Variants in OSBPL5 observed in about 807,000 individuals in gnomAD.
OSBPL5 encodes the protein oxysterol-binding protein-related protein 5.
OSBPL5 carries 71 observed loss-of-function variants against 111.2 expected under a neutral mutation model. The observed-to-expected ratio is 0.64, with a 90% CI of 0.53 to 0.78. OSBPL5 has a LOEUF of 0.78. Among genes scored for constraint, OSBPL5 ranks in the 30% least tolerant of loss-of-function variants. The pLI is 0.00. For missense variants in OSBPL5, 1,210 were observed against 1,189.3 expected (o/e 1.02, Z -0.26); for synonymous variants, 549 against 513.9 (o/e 1.07, Z -0.93).
intron 7 of OSBPL5, among the ~76,000 whole-genome samples, chr11:3,115,434 C>G (rs1308480814): frequency 6.6e-6 from 1 of 152,156 alleles, no homozygotes; most frequent in East Asian, 1.9e-4. Context: ...TAAACACTGA[C>G]AGCAATTAAA....
chr11:3,099,943 C>T (rs1360781024), intron 14 of OSBPL5, among the ~76,000 whole-genome samples: 2 of 148,588 alleles, frequency 1.3e-5, no homozygotes, highest in Non-Finnish European at 3.0e-5. Flanking sequence ...TGGCGCATGC[C>T]TGTAATCCCA....
In OSBPL5 at chr11:3,092,793, C is replaced by G. The variant is rs1157590527; in HGVS notation, c.2132+74G>C. The G allele has an allele frequency of 8.2e-6, 12 of 1,454,790 alleles. No individual in the cohort carries two copies. The highest frequency in any genetic ancestry group is 1.4e-5 in the South Asian group (1 of 72,144). The allele number at this position is 1,454,790 out of a possible 1,614,324, so 90.1% of individuals were successfully genotyped here. A position where few individuals can be genotyped will look rare whatever the true frequency, so the allele number is the denominator to read the frequency against. On this transcript the variant is annotated intron_variant, in intron 18 of 21. Coordinates refer to ENST00000263650, the MANE Select transcript of OSBPL5 (RefSeq NM_020896.4). This position sits in a 1 kb window ranked among gnomAD's most constrained non-coding sequence, Gnocchi z 5.4. ...CTGAAGGTGAGAGGGAAGCCAGGAGCCCCTGGGCCCTTCTCAGCCCGTCTG... is the reference window on the plus strand; with the variant it reads ...CTGAAGGTGAGAGGGAAGCCAGGAGGCCCTGGGCCCTTCTCAGCCCGTCTG...
At chr11:3,102,310 G>C (rs56062540) in intron 11 of OSBPL5, 29 bp from the exon 12 acceptor site, 1 of 1,566,116 alleles carries the variant, frequency 6.4e-7, no homozygotes. Context: ...TGTGTGAGGA[G>C]CCAGGTGGGT....
chr11:3,122,221 G>C lies in OSBPL5; in HGVS notation c.301-123C>G, dbSNP rs1477067927. The C allele has an allele frequency of 5.4e-6, 7 of 1,306,882 alleles. No individual in the cohort carries two copies. The Admixed American group carries it at 1.4e-4, about 26-fold the overall frequency. The allele number at this position is 1,306,882 out of a possible 1,614,324, so 81.0% of individuals were successfully genotyped here. ...CAGGAGAGGAAGTAGGAGGAAGTAGGGGGTGTGGAGGCGACCAGGTGCGGT... is the reference window on the plus strand; with the variant it reads ...CAGGAGAGGAAGTAGGAGGAAGTAGCGGGTGTGGAGGCGACCAGGTGCGGT... On this transcript the variant is annotated intron_variant, in intron 4 of 21. Transcript: ENST00000263650.
Position 3,119,607 on chromosome 11 carries a change from A to G in OSBPL5, c.631T>C (p.Ser211Pro). Residue 211 changes from serine to proline, a missense_variant, in exon 7 of 22, where the codon TCC becomes CCC. Physicochemically the swap from Ser to Pro is moderately conservative, Grantham distance 74. Coordinates refer to ENST00000263650, the MANE Select transcript of OSBPL5 (RefSeq NM_020896.4). ...VKGPKGESVG[S>P]ITQPLPSSYL... ...CTGCTGGGCAGGGGCTGTGTGATGGAGCCCACGCTCTCACCTTTGGGGCCC... is the reference window on the plus strand; with the variant it reads ...CTGCTGGGCAGGGGCTGTGTGATGGGGCCCACGCTCTCACCTTTGGGGCCC... 6.3e-7 allele frequency: 1 copy of G among 1,575,094 alleles called. No individual in the cohort carries two copies. The highest frequency in any genetic ancestry group is 8.6e-7 in the Non-Finnish European group (1 of 1,165,392).
At chr11:3,147,074 C>T (rs536325475) in intron 1 of OSBPL5, among the ~76,000 whole-genome samples, 1 of 145,090 alleles carries the variant, frequency 6.9e-6, no homozygotes, top group Admixed American at 6.8e-5. Context: ...CCCTCACGTC[C>T]TGGGCTTCAC....
intron 2 of OSBPL5, among the ~76,000 whole-genome samples, chr11:3,127,269 G>A (rs1858660166): frequency 6.6e-6 from 1 of 152,224 alleles, no homozygotes; most frequent in African/African-American, 2.4e-5. Context: ...CCCGGTCCCT[G>A]ACACTGAGAC....
chr11:3,150,828 G>C (rs1846556831), intron 1 of OSBPL5, among the ~76,000 whole-genome samples: 1 of 152,176 alleles, frequency 6.6e-6, no homozygotes, highest in Admixed American at 6.5e-5. Flanking sequence ...GCCTGCATCT[G>C]TGATGTCATC....
rs915474447 is a variant in OSBPL5, at chr11:3,109,077, GTTTT to G, written c.692-1136_692-1133del. Among the ~76,000 whole-genome samples, 7 of 151,674 alleles carry G rather than the reference GTTTT, an allele frequency of 4.6e-5. No individual in the cohort carries two copies. The highest frequency in any genetic ancestry group is 2.0e-4 in the Admixed American group (3 of 15,230). ...GCCACCACACCGGGTCAATAAGTGT[GTTTT>G]TTGTTTTTGTTTTTTTGTTGTTTTG... On this transcript the variant is annotated intron_variant, in intron 7 of 21. Transcript: ENST00000263650. This position sits in a 1 kb window ranked among gnomAD's most constrained non-coding sequence, Gnocchi z 7.4.
At chr11:3,118,767 C>T (rs769969936) in intron 7 of OSBPL5, among the ~76,000 whole-genome samples, 38 of 151,944 alleles carry the variant, frequency 2.5e-4, no homozygotes, top group Non-Finnish European at 1.5e-4. Context: ...GACAGGGTTT[C>T]GCCATGTTGA....
Position 3,107,935 on chromosome 11 carries a change from C to A in OSBPL5, c.702G>T (p.Trp234Cys). The change falls in exon 8 of 22, where the codon TGG (tryptophan) becomes TGT (cysteine). Residue 234 changes from tryptophan to cysteine, a missense_variant. Physicochemically the swap from Trp to Cys is radical, Grantham distance 215. Transcript: ENST00000263650. This position sits in a 1 kb window ranked among gnomAD's most constrained non-coding sequence, Gnocchi z 6.1. The part of the protein sequence containing the change: ...RAASESDGRC[W>C]LDALELALRC... ...GCAGGGCCAGCTCCAGGGCGTCCAG[C>A]CAGCAGCGACCTGCGGGGCACACGG... 6.3e-7 allele frequency: 1 copy of A among 1,598,954 alleles called. No homozygotes were observed. The highest frequency in any genetic ancestry group is 8.5e-7 in the Non-Finnish European group (1 of 1,179,634).
rs867335825 is a variant in OSBPL5 at position 3,137,254 on chromosome 11, C to T, written c.-21-8085G>A. Reference sequence around the variant, plus strand: ...ACCAGGCTGCTGTGTCTGGGTGGACCGAATGCCTAGTGCTAATGTGGGCAG... The same window carrying T: ...ACCAGGCTGCTGTGTCTGGGTGGACTGAATGCCTAGTGCTAATGTGGGCAG... On this transcript the variant is annotated intron_variant, in intron 1 of 21. Transcript: ENST00000263650. Among the ~76,000 whole-genome samples, 49 of 152,280 alleles carry T rather than the reference C, an allele frequency of 3.2e-4. 1 individual carries two copies. The highest frequency in any genetic ancestry group is 4.1e-4 in the South Asian group (2 of 4,828).
intron 19 of OSBPL5, among the ~76,000 whole-genome samples, chr11:3,091,432 A>G (rs1007585133): frequency 2.6e-5 from 4 of 152,074 alleles, no homozygotes; most frequent in Admixed American, 6.5e-5. Flanking sequence ...TTTGGCCACA[A>G]GGTACTCCAT....
intron 1 of OSBPL5, among the ~76,000 whole-genome samples, chr11:3,133,416 C>G (rs1845865087): frequency 1.3e-5 from 2 of 152,244 alleles, no homozygotes; most frequent in South Asian, 2.1e-4. Context: ...ATCGCCACTG[C>G]CCTGCACTGC....
Position 3,107,643 on chromosome 11 carries a change from G to C in OSBPL5, c.866+128C>G, listed in dbSNP as rs1003027793. ...ACCGAGGCTCCCAGGGCACACTGCA[G>C]CGAACAAGTCCCTGCGTGCAGCCTG... On this transcript the variant is annotated intron_variant, in intron 8 of 21. Transcript: ENST00000263650. This position sits in a 1 kb window ranked among gnomAD's most constrained non-coding sequence, Gnocchi z 6.1. 7.1e-5 allele frequency: 100 copies of C among 1,407,564 alleles called. No individual in the cohort carries two copies. The highest frequency in any genetic ancestry group is 9.1e-5 in the Non-Finnish European group (94 of 1,027,986). 87.2% of individuals were successfully genotyped at this position (1,407,564 alleles called of 1,614,324 possible).
chr11:3,124,837 T>TGGAC (rs1858555070), intron 3 of OSBPL5, among the ~76,000 whole-genome samples: 1 of 151,824 alleles, frequency 6.6e-6, no homozygotes, highest in Non-Finnish European at 1.5e-5. Flanking sequence ...GATGGATGGA[T>TGGAC]GGACGCATGA....
intron 19 of OSBPL5, among the ~76,000 whole-genome samples, chr11:3,091,521 A>C (rs1361359908): frequency 6.6e-6 from 1 of 151,890 alleles, no homozygotes; most frequent in Non-Finnish European, 1.5e-5. Flanking sequence ...TGCAGAGGGC[A>C]TTGGGGGTGG....
intron 1 of OSBPL5, among the ~76,000 whole-genome samples, chr11:3,155,590 C>G (rs1010253205): frequency 6.0e-5 from 9 of 150,406 alleles, no homozygotes; most frequent in African/African-American, 2.2e-4. Flanking sequence ...CTCTGCCACT[C>G]ACTCCCCCCA....
chr11:3,137,630 T>C (rs1845986117), intron 1 of OSBPL5, among the ~76,000 whole-genome samples: 3 of 152,160 alleles, frequency 2.0e-5, no homozygotes, highest in South Asian at 2.1e-4. Context: ...CTGGGCAACA[T>C]AGCGAGACCC....
Sources: gnomAD v4.1 joint callset for allele counts (sites outside exome capture counted in the v4.1 genomes callset) on GRCh38, gnomAD v4.1.1 for gene constraint, Gnocchi (gnomAD v3.1) non-coding constraint, MANE v1.5 for transcripts, NCBI Gene and HGNC (gene_info 2026-07-23, HGNC 2026-07-21) for gene names.